The following NFAT5 variants were observed in gnomAD, a reference collection of about 807,000 sequenced individuals.
NFAT5 encodes the protein nuclear factor of activated T-cells 5.
NFAT5 carries 31 observed loss-of-function variants against 166.5 expected under a neutral mutation model. That is an observed-to-expected ratio of 0.19 (90% CI 0.14 to 0.25). The LOEUF (loss-of-function observed/expected upper bound fraction) is 0.25. NFAT5 is among the 10% of genes least tolerant of loss of function. The probability of loss-of-function intolerance (pLI) is 1.00; values close to 1 mark genes in which losing one functional copy is unlikely to be tolerated. For missense variants in NFAT5, 1,449 were observed against 1,821.8 expected (o/e 0.80, Z 3.72); for synonymous variants, 612 against 639.7 (o/e 0.96, Z 0.65).
Position 69,699,997 on chromosome 16 carries a change from A to G in NFAT5, c.*3646A>G, listed in dbSNP as rs907873414. On this transcript the variant is annotated 3_prime_UTR_variant, in exon 15 of 15. Transcript: ENST00000349945. ...ATTAAAGTATCATGTTATTTAGCCAATGCAAATCTGTTTTAAAACAAATAG... is the reference window on the plus strand; with the variant it reads ...ATTAAAGTATCATGTTATTTAGCCAGTGCAAATCTGTTTTAAAACAAATAG... 2.0e-5 allele frequency: 3 copies of G among 152,126 alleles called. No individual in the cohort carries two copies. The highest frequency in any genetic ancestry group is 2.9e-5 in the Non-Finnish European group (2 of 68,022). 9.4% of individuals were successfully genotyped at this position (152,126 alleles called of 1,614,324 possible).
At chr16:69,664,527 C>T (rs112603372) in intron 7 of NFAT5, among the ~76,000 whole-genome samples, 32 of 152,138 alleles carry the variant, frequency 2.1e-4, no homozygotes, top group African/African-American at 3.6e-4. Context: ...CCTCGTGATC[C>T]GCCTGCCTCG....
chr16:69,695,074 A>G (rs2037712907), intron 13 of NFAT5, 62 bp from the exon 14 acceptor site: 4 of 1,215,590 alleles, frequency 3.3e-6, no homozygotes, highest in African/African-American at 1.5e-5. Context: ...GATAGCTTCT[A>G]TTTTTAATGT....
At chr16:69,667,507 AAAAG>A (rs1368202390) in intron 7 of NFAT5, among the ~76,000 whole-genome samples, 15 of 151,956 alleles carry the variant, frequency 9.9e-5, no homozygotes, top group East Asian at 3.9e-4. Context: ...AAAAAAAAAA[AAAAG>A]AAAGTAACCG....
chr16:69,669,063 T>A (rs964792718), intron 7 of NFAT5, among the ~76,000 whole-genome samples: 5 of 152,074 alleles, frequency 3.3e-5, no homozygotes, highest in African/African-American at 1.2e-4. Context: ...CCCAGCTAAT[T>A]TTTTTGATTT....
At position 69,692,476 on chromosome 16, in the gene NFAT5, A is replaced by C; in HGVS notation, c.2651A>C (p.Glu884Ala). The change falls in exon 13 of 15, where the codon GAA (glutamate) becomes GCA (alanine). Residue 884 changes from glutamate to alanine, a missense_variant. Transcript: ENST00000349945. ...RPDNLLPGRA[E>A]SVHPQSENTL... Reference sequence around the variant, plus strand: ...GATAATTTATTACCTGGAAGAGCTGAAAGTGTTCATCCACAGTCTGAAAAC... The same window carrying C: ...GATAATTTATTACCTGGAAGAGCTGCAAGTGTTCATCCACAGTCTGAAAAC... 6.2e-7 allele frequency: 1 copy of C among 1,614,234 alleles called. No individual in the cohort carries two copies. The highest frequency in any genetic ancestry group is 1.3e-5 in the African/African-American group (1 of 75,062).
chr16:69,624,905 A>T (rs201837673), intron 2 of NFAT5, among the ~76,000 whole-genome samples: 31,721 of 145,468 alleles, frequency 0.22, 3,561 homozygotes, highest in East Asian at 0.41. Context: ...CTTTTTTTTA[A>T]AAAAAAAAAA....
chr16:69,624,216 TG>T (rs1419851443), intron 2 of NFAT5, among the ~76,000 whole-genome samples: 8 of 152,210 alleles, frequency 5.3e-5, no homozygotes, highest in Non-Finnish European at 1.2e-4. Context: ...ATTCTTTTTT[TG>T]TTTTTGAGAT....
chr16:69,630,127 G>T (rs921495156), intron 3 of NFAT5, among the ~76,000 whole-genome samples: 3 of 151,906 alleles, frequency 2.0e-5, no homozygotes, highest in Admixed American at 6.6e-5. Context: ...AGTAGAGACG[G>T]GGTTTCATTG....
chr16:69,569,091 GT>G (rs1329784187), intron 2 of NFAT5, among the ~76,000 whole-genome samples: 29 of 152,290 alleles, frequency 1.9e-4, no homozygotes, highest in Non-Finnish European at 2.8e-4. Flanking sequence ...TTCTGGAAAT[GT>G]TAATAGAGTC....
At chr16:69,587,147 A>T (rs576900010) in intron 2 of NFAT5, among the ~76,000 whole-genome samples, 166 of 152,078 alleles carry the variant, frequency 1.1e-3, no homozygotes, top group Admixed American at 1.9e-3. Context: ...CAGTGGCGCG[A>T]TCTCGGCTCA....
At position 69,687,793 on chromosome 16, in the gene NFAT5, T is replaced by C. The variant is rs542369565; in HGVS notation, c.1774+2823T>C. On this transcript the variant is annotated intron_variant, in intron 11 of 14. Transcript: ENST00000349945. The stretch of plus-strand genomic sequence containing the variant: ...TATAATATAATCTTATCTGTAAACA[T>C]GGACATTTTTAGATCAAAAATACTA... 2.6e-5 allele frequency among the ~76,000 whole-genome samples: 4 copies of C among 152,298 alleles called. No homozygotes were observed. The East Asian group carries it at 5.8e-4, about 22-fold the overall frequency.
At chr16:69,652,494 C>T (rs1384565735) in intron 4 of NFAT5, among the ~76,000 whole-genome samples, 1 of 150,580 alleles carries the variant, frequency 6.6e-6, no homozygotes, top group African/African-American at 2.4e-5. Context: ...TGCTGTAAAG[C>T]CCAGATTGTA....
Position 69,701,268 on chromosome 16 carries a change from C to G in NFAT5, c.*4917C>G, listed in dbSNP as rs1188924359. The G allele has an allele frequency of 1.3e-5, 2 of 152,152 alleles. No homozygotes were observed. Among genetic ancestry groups the G allele is most frequent in the East Asian group, 1.9e-4 (1 of 5,202 alleles). 9.4% of individuals were successfully genotyped at this position (152,152 alleles called of 1,614,324 possible). A position where few individuals can be genotyped will look rare whatever the true frequency, so the allele number is the denominator to read the frequency against. The stretch of plus-strand genomic sequence containing the variant: ...TCCGGCCTAATTACTTCTTTAATCC[C>G]CATTTATTTTTATGCCATTCTAGCC... On this transcript the variant is annotated 3_prime_UTR_variant, in exon 15 of 15. Coordinates refer to ENST00000349945, the MANE Select transcript of NFAT5 (RefSeq NM_138713.4).
chr16:69,693,875 A>G lies in NFAT5; in HGVS notation c.4050A>G (p.Thr1350=), dbSNP rs909825265. ...CCATGCAATTTCAGAGTCAGTCCAC[A>G]GTTTCCTCACTTCAGAACCCAGGTC... The part of the protein sequence containing the change: ...QQPMQFQSQS[T]VSSLQNPGPT... Residue 1350 remains threonine, a synonymous_variant, in exon 13 of 15, where the codon ACA becomes ACG. Coordinates refer to ENST00000349945, the MANE Select transcript of NFAT5 (RefSeq NM_138713.4). 6.2e-7 allele frequency: 1 copy of G among 1,614,212 alleles called. No homozygotes were observed. Among genetic ancestry groups the G allele is most frequent in the Non-Finnish European group, 8.5e-7 (1 of 1,180,032 alleles).
rs2037875849 is a variant in NFAT5, at chr16:69,700,293, C to T, written c.*3942C>T. On this transcript the variant is annotated 3_prime_UTR_variant, in exon 15 of 15. Transcript: ENST00000349945. ...TTTGGAATTTTATTCTAGTGCATTT[C>T]TTGCTCATCAGAACCTCAGCTAATC... 1.3e-5 allele frequency: 2 copies of T among 151,884 alleles called. No individual in the cohort carries two copies. Among genetic ancestry groups the T allele is most frequent in the Non-Finnish European group, 1.5e-5 (1 of 67,998 alleles). 9.4% of individuals were successfully genotyped at this position (151,884 alleles called of 1,614,324 possible). A position where few individuals can be genotyped will look rare whatever the true frequency, so the allele number is the denominator to read the frequency against.
Position 69,699,320 on chromosome 16 carries a change from A to C in NFAT5, c.*2969A>C, listed in dbSNP as rs1320440218. 1 of 152,910 alleles carries C rather than the reference A, an allele frequency of 6.5e-6. No homozygotes were observed. The highest frequency in any genetic ancestry group is 1.5e-5 in the Non-Finnish European group (1 of 68,044). The allele number at this position is 152,910 out of a possible 1,614,324, so 9.5% of individuals were successfully genotyped here. A position where few individuals can be genotyped will look rare whatever the true frequency, so the allele number is the denominator to read the frequency against. ...GTCACTGGGACCAATTTTCTGTTTT[A>C]TAATATCTAAGTTTAGAACAGAATA... On this transcript the variant is annotated 3_prime_UTR_variant, in exon 15 of 15. Coordinates refer to ENST00000349945, the MANE Select transcript of NFAT5 (RefSeq NM_138713.4).
intron 2 of NFAT5, among the ~76,000 whole-genome samples, chr16:69,613,872 A>G (rs1483496898): frequency 2.6e-5 from 4 of 152,218 alleles, no homozygotes; most frequent in African/African-American, 7.2e-5. Flanking sequence ...TAAATGTTGA[A>G]TGAATGTTTA....
intron 9 of NFAT5, among the ~76,000 whole-genome samples, chr16:69,670,911 GAA>G (rs1453681374): frequency 6.6e-6 from 1 of 152,080 alleles, no homozygotes; most frequent in Non-Finnish European, 1.5e-5. Context: ...GACAGAGAGA[GAA>G]GAGAGAAACA....
intron 7 of NFAT5, among the ~76,000 whole-genome samples, chr16:69,665,695 C>T (rs2036343779): frequency 1.2e-5 from 1 of 82,646 alleles, no homozygotes; most frequent in Non-Finnish European, 2.2e-5. Context: ...GAAGAACATT[C>T]CATGCTCATG....
Sources: gnomAD v4.1 joint callset for allele counts (sites outside exome capture counted in the v4.1 genomes callset) on GRCh38, gnomAD v4.1.1 for gene constraint, MANE v1.5 for transcripts, NCBI Gene and HGNC (gene_info 2026-07-23, HGNC 2026-07-21) for gene names.